The following COL4A2 variants were observed in gnomAD, a reference collection of about 807,000 sequenced individuals.
COL4A2 encodes the protein collagen alpha-2(IV) chain.
In COL4A2, 99 loss-of-function variants were observed where a neutral mutation model predicts 200.2. That is an observed-to-expected ratio of 0.49 (90% CI 0.42 to 0.58). The LOEUF (loss-of-function observed/expected upper bound fraction) is 0.58, where lower values mean the gene tolerates loss of function less well. Ranked by LOEUF, COL4A2 falls within the 20% of genes least tolerant of loss-of-function variation. COL4A2 has a pLI of 0.00. For missense variants in COL4A2, 1,950 were observed against 2,314.1 expected (o/e 0.84, Z 3.23); for synonymous variants, 897 against 900.6 (o/e 1.00, Z 0.07).
intron 33 of COL4A2, among the ~76,000 whole-genome samples, 161 bp from the exon 34 acceptor site, chr13:110,485,494 G>A (rs2139528912): frequency 7.7e-6 from 1 of 129,850 alleles, no homozygotes. Flanking sequence ...CTGCACTCCA[G>A]CCTGGGCGAC....
intron 4 of COL4A2, among the ~76,000 whole-genome samples, chr13:110,388,708 C>A (rs903087660): frequency 7.2e-5 from 11 of 152,176 alleles, no homozygotes; most frequent in Non-Finnish European, 1.6e-4. Flanking sequence ...TACTAGTGTG[C>A]AGCACAGACT....
At chr13:110,310,461 C>G (rs1163501978) in intron 3 of COL4A2, among the ~76,000 whole-genome samples, 1 of 81,484 alleles carries the variant, frequency 1.2e-5, no homozygotes, top group Non-Finnish European at 2.3e-5. Flanking sequence ...TAGATTCTAA[C>G]TCAACCAAAA....
chr13:110,456,563 CTTATAT>C (rs937560634), intron 20 of COL4A2: 3 of 358,484 alleles, frequency 8.4e-6, no homozygotes, highest in African/African-American at 6.4e-5. Flanking sequence ...TTTGCAGACT[CTTATAT>C]TTCTTTCCAA....
chr13:110,504,022 C>T (rs746305379), intron 44 of COL4A2, 29 bp downstream of exon 44: 20 of 1,560,888 alleles, frequency 1.3e-5, no homozygotes, highest in Non-Finnish European at 1.6e-5. Context: ...GCCTGGAGCC[C>T]CTCGGGGCTG....
chr13:110,347,411 A>G (rs1876756702), intron 3 of COL4A2, among the ~76,000 whole-genome samples: 1 of 152,198 alleles, frequency 6.6e-6, no homozygotes, highest in African/African-American at 2.4e-5. Flanking sequence ...CCCTTTGTGC[A>G]GAAGATGCTG....
intron 40 of COL4A2, among the ~76,000 whole-genome samples, chr13:110,500,612 A>G (rs1217562429): frequency 3.3e-5 from 5 of 152,210 alleles, no homozygotes; most frequent in African/African-American, 9.6e-5. Context: ...CATTATTCGC[A>G]GTAGTTATGT....
intron 4 of COL4A2, among the ~76,000 whole-genome samples, chr13:110,374,335 C>T (rs1878145309): frequency 6.6e-6 from 1 of 152,228 alleles, no homozygotes; most frequent in Non-Finnish European, 1.5e-5. Flanking sequence ...GACCCGAGAT[C>T]TGGAGCCAAC....
At chr13:110,411,592 A>C (rs1879839707) in intron 4 of COL4A2, among the ~76,000 whole-genome samples, 1 of 152,234 alleles carries the variant, frequency 6.6e-6, no homozygotes, top group Non-Finnish European at 1.5e-5. Flanking sequence ...GGGTTAAAGC[A>C]GAGAAGCCAT....
At chr13:110,475,741 C>T (rs747136643) in intron 29 of COL4A2, among the ~76,000 whole-genome samples, 1 of 152,218 alleles carries the variant, frequency 6.6e-6, no homozygotes, top group Non-Finnish European at 1.5e-5. Flanking sequence ...CTGTGCAGGA[C>T]GGCCACAAAC....
intron 21 of COL4A2, chr13:110,457,957 C>A: frequency 2.6e-6 from 1 of 388,464 alleles, no homozygotes. Context: ...CTGACCCTTT[C>A]CAGTCACCTC....
At chr13:110,406,234 T>G (rs1879564827) in intron 4 of COL4A2, among the ~76,000 whole-genome samples, 1 of 152,016 alleles carries the variant, frequency 6.6e-6, no homozygotes, top group South Asian at 2.1e-4. Flanking sequence ...AATGTGGGAG[T>G]GGCCTGCAGA....
intron 3 of COL4A2, among the ~76,000 whole-genome samples, chr13:110,340,407 T>C (rs1222524501): frequency 1.3e-5 from 2 of 152,236 alleles, no homozygotes; most frequent in Admixed American, 6.5e-5. Flanking sequence ...ATGGCCATGG[T>C]CCTCATGTAA....
At chr13:110,457,538 A>C in intron 21 of COL4A2, 103 bp downstream of exon 21, 1 of 749,712 alleles carries the variant, frequency 1.3e-6, no homozygotes, top group South Asian at 1.5e-5. Context: ...TTTGGACATG[A>C]AAATGAGCCT....
chr13:110,311,304 C>T lies in COL4A2; in HGVS notation c.99+3181C>T, dbSNP rs141443376. On this transcript the variant is annotated intron_variant, in intron 3 of 47. Coordinates refer to ENST00000360467, the MANE Select transcript of COL4A2 (RefSeq NM_001846.4). The stretch of plus-strand genomic sequence containing the variant: ...TGGGCACCTCAGGACACACTCCCTG[C>T]TGTCCAAGGTGCCCTTTCTAAAGGT... Among the ~76,000 whole-genome samples the T allele has an allele frequency of 1.2e-3, 189 of 152,330 alleles. 3 individuals are homozygous for T. The highest frequency in any genetic ancestry group is 8.1e-3 in the East Asian group (42 of 5,176).
intron 30 of COL4A2, 30 bp from the exon 31 acceptor site, chr13:110,480,190 C>A: frequency 6.4e-7 from 1 of 1,564,828 alleles, no homozygotes; most frequent in East Asian, 2.3e-5. Flanking sequence ...TGTTTGTCCA[C>A]CCTGTTTGAT....
At chr13:110,357,949 G>A (rs1485231477) in intron 4 of COL4A2, among the ~76,000 whole-genome samples, 5 of 152,168 alleles carry the variant, frequency 3.3e-5, no homozygotes. Context: ...GGCCTGGGGC[G>A]TGACCGCGCA....
chr13:110,482,721 T>C, intron 32 of COL4A2, 62 bp downstream of exon 32: 21 of 1,548,220 alleles, frequency 1.4e-5, no homozygotes, highest in Non-Finnish European at 1.7e-5. Context: ...TACCCTTTCT[T>C]GGTGGCATAA....
intron 40 of COL4A2, among the ~76,000 whole-genome samples, chr13:110,499,241 AAT>A (rs993472710): frequency 1.3e-5 from 2 of 152,216 alleles, no homozygotes; most frequent in African/African-American, 4.8e-5. Flanking sequence ...GAGACTGGGT[AAT>A]TTATAAAGGA....
rs557748675 is a variant in COL4A2 at position 110,480,135 on chromosome 13, G to C, written c.2588-85G>C. The C allele has an allele frequency of 3.6e-6, 5 of 1,389,366 alleles. No homozygotes were observed. In the South Asian group the frequency reaches 4.4e-5, roughly 12 times the overall value. 86.1% of individuals were successfully genotyped at this position (1,389,366 alleles called of 1,614,324 possible). A position where few individuals can be genotyped will look rare whatever the true frequency, so the allele number is the denominator to read the frequency against. Reference sequence around the variant, plus strand: ...TTCCTTCTAAGGAGCTTTTCTTACTGAACACTCAATGCCGTAAAAGCAGAA... The same window carrying C: ...TTCCTTCTAAGGAGCTTTTCTTACTCAACACTCAATGCCGTAAAAGCAGAA... On this transcript the variant is annotated intron_variant, in intron 30 of 47. Coordinates refer to ENST00000360467, the MANE Select transcript of COL4A2 (RefSeq NM_001846.4).
Sources: gnomAD v4.1 joint callset for allele counts (sites outside exome capture counted in the v4.1 genomes callset) on GRCh38, gnomAD v4.1.1 for gene constraint, MANE v1.5 for transcripts, NCBI Gene and HGNC (gene_info 2026-07-23, HGNC 2026-07-21) for gene names.